The following GLI3 variants were observed in gnomAD, a reference collection of about 807,000 sequenced individuals.
GLI3 encodes GLI family zinc finger 3.
A neutral mutation model predicts 100.8 loss-of-function variants in GLI3; 20 were observed. That is an observed-to-expected ratio of 0.20 (90% CI 0.14 to 0.29). The LOEUF is 0.29. Among genes scored for constraint, GLI3 ranks in the 10% least tolerant of loss-of-function variants. GLI3 has a pLI of 1.00. For synonymous variants in GLI3, 938 were observed against 860.5 expected, an observed-to-expected ratio of 1.09 and a Z score of -1.58; for missense variants, 2,040 against 2,128.5, an observed-to-expected ratio of 0.96 and a Z score of 0.82.
chr7:42,159,031 C>T (rs986712464), intron 2 of GLI3, among the ~76,000 whole-genome samples: 2 of 152,192 alleles, frequency 1.3e-5, no homozygotes, highest in African/African-American at 4.8e-5. Flanking sequence ...TGACACCTCT[C>T]ATGCTGTGGC....
chr7:41,995,083 A>G (rs1788086886), intron 10 of GLI3, among the ~76,000 whole-genome samples: 1 of 152,260 alleles, frequency 6.6e-6, no homozygotes, highest in South Asian at 2.1e-4. Flanking sequence ...GGATTTTTAA[A>G]GTAAAAGTGT....
At position 42,191,859 on chromosome 7, in the gene GLI3, C is replaced by T. The variant is rs575902020; in HGVS notation, c.124+31271G>A. 9.9e-5 allele frequency among the ~76,000 whole-genome samples: 15 copies of T among 152,134 alleles called. No individual in the cohort carries two copies. In the South Asian group the frequency reaches 2.9e-3, roughly 29 times the overall value. On this transcript the variant is annotated intron_variant, in intron 2 of 14. Coordinates refer to ENST00000395925, the MANE Select transcript of GLI3 (RefSeq NM_000168.6). ...AGTCTCACTGGTAGCCACAACAGAA[C>T]CAGTAGTAGGTTCTGGCAGTGTGAA...
At chr7:42,258,865 G>A (rs1789112253) in intron 1 of GLI3, among the ~76,000 whole-genome samples, 3 of 152,172 alleles carry the variant, frequency 2.0e-5, no homozygotes, top group African/African-American at 7.2e-5. Context: ...TGAATTTTGG[G>A]GGGACACAAA....
At chr7:42,238,749 A>G (rs1274368052), upstream of GLI3, among the ~76,000 whole-genome samples, 5 of 152,222 alleles carry the variant, frequency 3.3e-5, no homozygotes, top group African/African-American at 1.2e-4. Flanking sequence ...AACTTAAAAA[A>G]GGAGTTCTCG....
chr7:42,230,251 A>C (rs550328130), intron 1 of GLI3, among the ~76,000 whole-genome samples: 1 of 152,216 alleles, frequency 6.6e-6, no homozygotes, highest in Non-Finnish European at 1.5e-5. Flanking sequence ...CAAATAGGAA[A>C]GCTTCTATCT....
chr7:42,228,216 G>A (rs533013679), intron 1 of GLI3, among the ~76,000 whole-genome samples: 26 of 151,792 alleles, frequency 1.7e-4, no homozygotes, highest in African/African-American at 6.3e-4. Flanking sequence ...GCGCGCCCCA[G>A]TCAGCGCGCC....
At chr7:41,983,951 G>C (rs956567396) in intron 10 of GLI3, among the ~76,000 whole-genome samples, 1 of 152,140 alleles carries the variant, frequency 6.6e-6, no homozygotes. Flanking sequence ...CATCGAATGG[G>C]AGCAAAATGA....
intron 3 of GLI3, among the ~76,000 whole-genome samples, chr7:42,080,831 C>T (rs1254756066): frequency 6.6e-6 from 1 of 152,082 alleles, no homozygotes; most frequent in Non-Finnish European, 1.5e-5. Flanking sequence ...ATCATCGGCC[C>T]AAAAAGCTGT....
At chr7:42,087,228 C>T (rs1785121207) in intron 3 of GLI3, among the ~76,000 whole-genome samples, 1 of 152,214 alleles carries the variant, frequency 6.6e-6, no homozygotes, top group African/African-American at 2.4e-5. Context: ...GGGCCTCCAA[C>T]AACAGGCAAA....
chr7:42,124,367 G>A (rs1337921516), intron 3 of GLI3, among the ~76,000 whole-genome samples: 1 of 152,128 alleles, frequency 6.6e-6, no homozygotes, highest in Non-Finnish European at 1.5e-5. Flanking sequence ...AAATGTGGAC[G>A]ACACTTATTG....
In GLI3 at chr7:42,025,294, G is replaced by A; in HGVS notation, c.1326C>T (p.Asp442=). Residue 442 remains aspartate, a synonymous_variant, in exon 9 of 15, where the codon GAC becomes GAT. Coordinates refer to ENST00000395925, the MANE Select transcript of GLI3 (RefSeq NM_000168.6). ...NKRSKIKPDE[D]LPSPGARGQQ... ...GCCCCCGAGCCCCTGGGCTGGGGAGGTCTTCATCGGGTTTGATCTTGGACC... is the reference window on the plus strand; with the variant it reads ...GCCCCCGAGCCCCTGGGCTGGGGAGATCTTCATCGGGTTTGATCTTGGACC... The A allele has an allele frequency of 6.2e-7, 1 of 1,613,938 alleles. No individual in the cohort carries two copies. The highest frequency in any genetic ancestry group is 8.5e-7 in the Non-Finnish European group (1 of 1,179,808).
At chr7:42,186,219 TC>T (rs530348082) in intron 2 of GLI3, among the ~76,000 whole-genome samples, 7 of 152,168 alleles carry the variant, frequency 4.6e-5, no homozygotes, top group Non-Finnish European at 1.0e-4. Context: ...TATTCCTCCT[TC>T]CAGCTCCCCA....
intron 2 of GLI3, among the ~76,000 whole-genome samples, chr7:42,182,660 A>ATATATATATATACACATGTGTGTGTG (rs1554337052): frequency 1.7e-5 from 1 of 59,138 alleles, no homozygotes; most frequent in Non-Finnish European, 3.3e-5. Context: ...ATATATATAT[A>ATATATATATATACACATGTGTGTGTG]TATATATATA....
intron 3 of GLI3, among the ~76,000 whole-genome samples, chr7:42,097,827 C>T (rs79948305): frequency 7.9e-5 from 12 of 152,248 alleles, no homozygotes; most frequent in East Asian, 1.9e-4. Flanking sequence ...TGTCCTTCTA[C>T]GACACCCCTA....
chr7:41,970,820 G>C (rs908693926), intron 13 of GLI3, among the ~76,000 whole-genome samples: 3 of 152,078 alleles, frequency 2.0e-5, no homozygotes, highest in Admixed American at 6.5e-5. Flanking sequence ...TCTTTGTTTT[G>C]TTAAACACGT....
At chr7:42,032,968 G>C (rs892972173) in intron 7 of GLI3, among the ~76,000 whole-genome samples, 1 of 152,146 alleles carries the variant, frequency 6.6e-6, no homozygotes, top group African/African-American at 2.4e-5. Context: ...CAGTGCCAGG[G>C]TTTCTGCACC....
intron 3 of GLI3, among the ~76,000 whole-genome samples, chr7:42,126,195 A>G (rs1786126011): frequency 6.6e-6 from 1 of 152,256 alleles, no homozygotes; most frequent in Admixed American, 6.5e-5. Flanking sequence ...GAGAAAGGGT[A>G]GTGCCTGTGT....
intron 4 of GLI3, among the ~76,000 whole-genome samples, chr7:42,076,482 A>T (rs1784880588): frequency 6.6e-6 from 1 of 152,230 alleles, no homozygotes; most frequent in Non-Finnish European, 1.5e-5. Flanking sequence ...TTACTTTTTA[A>T]TTTAGTATTT....
At chr7:42,229,754 T>C (rs1389605016) in intron 1 of GLI3, among the ~76,000 whole-genome samples, 1 of 152,140 alleles carries the variant, frequency 6.6e-6, no homozygotes, top group Non-Finnish European at 1.5e-5. Flanking sequence ...CAAAAATAAA[T>C]AAATCCTTTA....
Sources: gnomAD v4.1 joint callset for allele counts (sites outside exome capture counted in the v4.1 genomes callset) on GRCh38, gnomAD v4.1.1 for gene constraint, MANE v1.5 for transcripts, NCBI Gene and HGNC (gene_info 2026-07-23, HGNC 2026-07-21) for gene names.